SERPINA12: variants seen among roughly 807,000 people sequenced by gnomAD.
The protein encoded by SERPINA12 is serpin A12.
SERPINA12 carries 21 observed loss-of-function variants against 25.9 expected under a neutral mutation model. The observed-to-expected ratio is 0.81, with a 90% CI of 0.58 to 1.17. SERPINA12 has a LOEUF of 1.17. Ranked by LOEUF, SERPINA12 falls within the 50% of genes most tolerant of loss-of-function variation. SERPINA12 has a pLI of 0.00. For synonymous variants in SERPINA12, 220 were observed against 196.0 expected (o/e 1.12, Z -1.02); for missense variants, 562 against 508.3 (o/e 1.11, Z -1.02).
chr14:94,491,424 G>C (rs895864482), intron 3 of SERPINA12, among the ~76,000 whole-genome samples: 1 of 152,108 alleles, frequency 6.6e-6, no homozygotes, highest in African/African-American at 2.4e-5. Flanking sequence ...GTTTTGAACA[G>C]AGGAGTGACA....
chr14:94,508,102 T>A (rs1175993397), intron 1 of SERPINA12, among the ~76,000 whole-genome samples: 1 of 152,136 alleles, frequency 6.6e-6, no homozygotes, highest in Admixed American at 6.5e-5. Flanking sequence ...TGACCAAGAG[T>A]GTGAAACACT....
In SERPINA12 at chr14:94,496,688, A is replaced by G. The variant is rs746329171; in HGVS notation, c.635-45T>C. 4.5e-6 allele frequency: 7 copies of G among 1,557,806 alleles called. No homozygotes were observed. In the Admixed American group the frequency reaches 1.2e-4, roughly 27 times the overall value. On this transcript the variant is annotated intron_variant, in intron 2 of 4. Coordinates refer to ENST00000677451, the MANE Select transcript of SERPINA12 (RefSeq NM_001382267.1). ...AACAGACATGTTATCCCAAGGGAAA[A>G]AAGGTGACTAAATCCAACTAACCAG...
intron 4 of SERPINA12, among the ~76,000 whole-genome samples, chr14:94,489,413 G>C (rs770161023): frequency 9.9e-5 from 15 of 152,170 alleles, no homozygotes; most frequent in Non-Finnish European, 1.6e-4. Flanking sequence ...AATAGCAGCA[G>C]TTTTAAAGAC....
intron 1 of SERPINA12, chr14:94,500,932 C>A (rs148225659): frequency 1.0e-6 from 1 of 982,866 alleles, no homozygotes; most frequent in Non-Finnish European, 1.2e-6. Context: ...GTGCTCTGCT[C>A]TCATGCCTTC....
At chr14:94,487,803 G>C (rs1477540533) in intron 4 of SERPINA12, among the ~76,000 whole-genome samples, 3 of 152,190 alleles carry the variant, frequency 2.0e-5, no homozygotes, top group Non-Finnish European at 4.4e-5. Flanking sequence ...CATAGCCGTG[G>C]CAGAAAGGTC....
upstream of SERPINA12, among the ~76,000 whole-genome samples, chr14:94,513,814 G>A (rs1322126230): frequency 6.6e-6 from 1 of 152,234 alleles, no homozygotes; most frequent in East Asian, 1.9e-4. Flanking sequence ...TTCCAGTGGT[G>A]TTTCCAAATG....
intron 4 of SERPINA12, among the ~76,000 whole-genome samples, chr14:94,488,884 C>T (rs1900017938): frequency 6.6e-6 from 1 of 152,164 alleles, no homozygotes; most frequent in African/African-American, 2.4e-5. Flanking sequence ...GACCTGAGGT[C>T]AGGAGTTTGA....
intron 3 of SERPINA12, among the ~76,000 whole-genome samples, chr14:94,496,082 C>T (rs1207718708): frequency 6.6e-6 from 1 of 152,164 alleles, no homozygotes; most frequent in Non-Finnish European, 1.5e-5. Flanking sequence ...GACTGCCACT[C>T]ACCCTTGAAG....
upstream of SERPINA12, among the ~76,000 whole-genome samples, chr14:94,513,235 T>C (rs1389094067): frequency 6.6e-6 from 1 of 152,238 alleles, no homozygotes; most frequent in Non-Finnish European, 1.5e-5. Flanking sequence ...ACGGCTTGTT[T>C]GCTGATACCA....
intron 1 of SERPINA12, among the ~76,000 whole-genome samples, chr14:94,509,075 A>G (rs1361875329): frequency 6.6e-6 from 1 of 152,092 alleles, no homozygotes; most frequent in African/African-American, 2.4e-5. Flanking sequence ...CTGGTTCTGA[A>G]TCCCTTTTTC....
upstream of SERPINA12, among the ~76,000 whole-genome samples, chr14:94,512,038 CAGT>C (rs560556883): frequency 1.5e-3 from 232 of 152,202 alleles, no homozygotes; most frequent in Non-Finnish European, 2.7e-3. Context: ...GCAGAGGTTG[CAGT>C]GAGCTGAGAT....
upstream of SERPINA12, chr14:94,511,565 C>T (rs982836813): frequency 2.9e-5 from 29 of 985,276 alleles, no homozygotes; most frequent in South Asian, 4.7e-5. Flanking sequence ...CGGGTTGGTT[C>T]GTGCAGCCCA....
chr14:94,502,494 C>T (rs1162060053), intron 1 of SERPINA12, among the ~76,000 whole-genome samples: 1 of 152,134 alleles, frequency 6.6e-6, no homozygotes, highest in Non-Finnish European at 1.5e-5. Flanking sequence ...AAAGCGCTTC[C>T]CCCGTTATCA....
chr14:94,489,199 AAGAAAGAAAGAG>A (rs1286297203), intron 4 of SERPINA12, among the ~76,000 whole-genome samples: 1 of 149,362 alleles, frequency 6.7e-6, no homozygotes, highest in Non-Finnish European at 1.5e-5. Flanking sequence ...GAGAAAGAAA[AAGAAAGAAAGAG>A]AGAAAGAGAG....
At chr14:94,504,377 A>T (rs1162079413) in intron 1 of SERPINA12, among the ~76,000 whole-genome samples, 1 of 152,182 alleles carries the variant, frequency 6.6e-6, no homozygotes, top group African/African-American at 2.4e-5. Flanking sequence ...TCCACTAGAC[A>T]CCTTTTGCAA....
chr14:94,514,742 G>C lies in SERPINA12; in HGVS notation c.-18+1078C>G, dbSNP rs576456457. On this transcript the variant is annotated intron_variant, in intron 2 of 5. Coordinates refer to the SERPINA12 transcript ENST00000341228. Reference sequence around the variant, plus strand: ...TGCAGGGCCAGGGAATTCTGAGGTGGTGGCAGTTGGTGGCCAGAGGTAGGC... The same window carrying C: ...TGCAGGGCCAGGGAATTCTGAGGTGCTGGCAGTTGGTGGCCAGAGGTAGGC... Among the ~76,000 whole-genome samples the C allele has an allele frequency of 1.3e-3, 196 of 152,338 alleles. 7 individuals are homozygous for C. The South Asian group carries it at 0.038, about 29-fold the overall frequency.
chr14:94,515,492 C>A (rs1475792757), intron 2 of SERPINA12, among the ~76,000 whole-genome samples: 3 of 152,190 alleles, frequency 2.0e-5, no homozygotes, highest in Non-Finnish European at 4.4e-5. Flanking sequence ...GACGGGGAGG[C>A]CTGCCCTACA....
upstream of SERPINA12, chr14:94,510,032 A>C (rs927518505): frequency 1.5e-5 from 15 of 984,322 alleles, no homozygotes; most frequent in Non-Finnish European, 1.7e-5. Flanking sequence ...ATCCAACCCC[A>C]CCCCACTCCC....
Position 94,498,200 on chromosome 14 carries a change from G to T in SERPINA12, c.198C>A (p.Tyr66Ter). ...GFKLLKKLAF[Y>*]NPGRNIFLSP... is the part of the protein sequence containing the mutation. ...ATAGGAAGATGTTCCTGCCAGGGTT[G>T]TAAAAGGCCAGCTTCTTGAGCAGCT... is the stretch of plus-strand genomic sequence containing the variant. The change falls in exon 2 of 5, where the codon TAC becomes TAA. Residue 66 changes from tyrosine to a stop codon, truncating the protein, a stop_gained. Transcript: ENST00000677451. LOFTEE classifies it high-confidence loss of function. The T allele has an allele frequency of 5.6e-6, 9 of 1,614,216 alleles. No homozygotes were observed. Among genetic ancestry groups the T allele is most frequent in the Non-Finnish European group, 7.6e-6 (9 of 1,180,038 alleles).
Sources: allele counts gnomAD v4.1 joint callset (sites outside exome capture counted in the v4.1 genomes callset), GRCh38; gene constraint gnomAD v4.1.1; transcripts MANE v1.5; gene names NCBI Gene and HGNC (gene_info 2026-07-23, HGNC 2026-07-21).